The following MYO5B variants were observed in gnomAD, a reference collection of about 807,000 sequenced individuals.
The protein encoded by MYO5B is myosin VB.
MYO5B carries 143 observed loss-of-function variants against 229.3 expected under a neutral mutation model. The observed-to-expected ratio is 0.62, with a 90% CI of 0.54 to 0.72. The LOEUF (loss-of-function observed/expected upper bound fraction) is 0.72, where lower values mean the gene tolerates loss of function less well. Among genes scored for constraint, MYO5B ranks in the 30% least tolerant of loss-of-function variants. The probability of loss-of-function intolerance (pLI) is 0.00; values close to 1 mark genes in which losing one functional copy is unlikely to be tolerated. For synonymous variants in MYO5B, 918 were observed against 885.2 expected, an observed-to-expected ratio of 1.04 and a Z score of -0.66; for missense variants, 2,321 against 2,331.0, an observed-to-expected ratio of 1.00 and a Z score of 0.09.
chr18:50,094,557 G>A (rs1186548075), intron 1 of MYO5B, among the ~76,000 whole-genome samples: 10 of 152,094 alleles, frequency 6.6e-5, no homozygotes, highest in Admixed American at 4.6e-4. Context: ...ATAAGCCATC[G>A]AGGAGAAAAA....
rs2023836665 is a variant in MYO5B at position 49,825,769 on chromosome 18, A to C, written c.*702T>G. On this transcript the variant is annotated 3_prime_UTR_variant, in exon 40 of 40. Coordinates refer to ENST00000285039, the MANE Select transcript of MYO5B (RefSeq NM_001080467.3). Reference sequence around the variant, plus strand: ...TTGGAGTTTGGGATAGCAGCATTTTAATAATCTCTTCCATTAAATCAAGAT... The same window carrying C: ...TTGGAGTTTGGGATAGCAGCATTTTCATAATCTCTTCCATTAAATCAAGAT... The C allele has an allele frequency of 6.5e-6, 1 of 152,916 alleles. No homozygotes were observed. Among genetic ancestry groups the C allele is most frequent in the East Asian group, 1.9e-4 (1 of 5,198 alleles). The allele number at this position is 152,916 out of a possible 1,614,324, so 9.5% of individuals were successfully genotyped here.
intron 14 of MYO5B, among the ~76,000 whole-genome samples, chr18:49,943,148 T>C (rs934831527): frequency 7.3e-6 from 1 of 136,896 alleles, no homozygotes; most frequent in African/African-American, 2.8e-5. Flanking sequence ...TTTTCACTCA[T>C]AGGTGGGAAT....
intron 1 of MYO5B, among the ~76,000 whole-genome samples, chr18:50,193,766 T>G (rs1790437): frequency 1 from 151,985 of 152,376 alleles, 75,800 homozygotes; most frequent in Middle Eastern, 1. Context: ...TTCTTAAAGG[T>G]GCATAGGGCA....
chr18:50,142,792 A>T lies in MYO5B; in HGVS notation c.27+51975T>A, dbSNP rs567566823. Among the ~76,000 whole-genome samples the T allele has an allele frequency of 2.2e-4, 34 of 152,360 alleles. 1 individual carries two copies. The South Asian group carries it at 7.0e-3, about 32-fold the overall frequency. ...AAAGGGTAACCTCAGTCTAACAATGACAACAGCATTCAGGTTTGCCTCGAT... is the reference window on the plus strand; with the variant it reads ...AAAGGGTAACCTCAGTCTAACAATGTCAACAGCATTCAGGTTTGCCTCGAT... On this transcript the variant is annotated intron_variant, in intron 1 of 39. Coordinates refer to ENST00000285039, the MANE Select transcript of MYO5B (RefSeq NM_001080467.3).
At position 49,929,582 on chromosome 18, in the gene MYO5B, C is replaced by T. The variant is rs777222341; in HGVS notation, c.2020G>A (p.Ala674Thr). The T allele has an allele frequency of 3.1e-6, 5 of 1,597,510 alleles. No individual in the cohort carries two copies. In the African/African-American group the frequency reaches 7.0e-5, roughly 22 times the overall value. ...CCGCAGGCTCTGAGTTGCTGCACTG[C>T]TCTCTTTGGGTCAAAGCTGCCAAAG... Reference protein sequence around the residue: ...KLPFHFDPKRAVQQLRACGVL... With the variant: ...KLPFHFDPKRTVQQLRACGVL... Residue 674 changes from alanine to threonine, a missense_variant, in exon 17 of 40, where the codon GCA becomes ACA. By Grantham distance (58) the Ala-to-Thr change is moderately conservative (BLOSUM62 0). Coordinates refer to ENST00000285039, the MANE Select transcript of MYO5B (RefSeq NM_001080467.3).
At position 49,931,631 on chromosome 18, in the gene MYO5B, G is replaced by A. The variant is rs11663056; in HGVS notation, c.2004-2033C>T. Among the ~76,000 whole-genome samples, 26 of 152,148 alleles carry A rather than the reference G, an allele frequency of 1.7e-4. No homozygotes were observed. In the East Asian group the frequency reaches 4.5e-3, roughly 26 times the overall value. On this transcript the variant is annotated intron_variant, in intron 16 of 39. Transcript: ENST00000285039. ...ACTCCAATGCCTCCTGTGGTTGCTC[G>A]GCCACAAGAGGAAGCACAGTTCCAG...
chr18:49,869,666 G>T (rs114608941), intron 27 of MYO5B, among the ~76,000 whole-genome samples: 1 of 152,180 alleles, frequency 6.6e-6, no homozygotes, highest in Admixed American at 6.5e-5. Flanking sequence ...GAGTTTTTGC[G>T]CTGATTTTAA....
At chr18:49,958,646 G>C (rs531724293) in intron 12 of MYO5B, among the ~76,000 whole-genome samples, 1 of 152,136 alleles carries the variant, frequency 6.6e-6, no homozygotes, top group Non-Finnish European at 1.5e-5. Context: ...CTCTCGCACC[G>C]CTTCTTTTTC....
At chr18:50,019,795 A>C (rs1362232722) in intron 4 of MYO5B, among the ~76,000 whole-genome samples, 1 of 152,218 alleles carries the variant, frequency 6.6e-6, no homozygotes, top group Non-Finnish European at 1.5e-5. Context: ...CCTGGTACTC[A>C]AATTTCGTCT....
intron 17 of MYO5B, among the ~76,000 whole-genome samples, chr18:49,914,775 CAAAAA>C (rs5824810): frequency 9.4e-6 from 1 of 106,182 alleles, no homozygotes; most frequent in Admixed American, 9.2e-5. Context: ...GACCTTGTCT[CAAAAA>C]AAAAAAAAAA....
At chr18:50,137,825 G>A (rs2032357715) in intron 1 of MYO5B, among the ~76,000 whole-genome samples, 1 of 150,742 alleles carries the variant, frequency 6.6e-6, no homozygotes. Flanking sequence ...CACGTCTTTT[G>A]CAGGAACATG....
chr18:49,853,604 C>A lies in MYO5B; in HGVS notation c.4066G>T (p.Glu1356Ter). ...QLQAQSLEHEEEVEHLKAQLE... is the reference protein window; with the variant it reads ...QLQAQSLEHE Reference sequence around the variant, plus strand: ...TGAGCCTTGAGATGCTCCACCTCCTCCTCATGCTCCAGGCTCTGGGCCTGC... The same window carrying A: ...TGAGCCTTGAGATGCTCCACCTCCTACTCATGCTCCAGGCTCTGGGCCTGC... Residue 1356 changes from glutamate (E) to a stop codon, truncating the protein, a stop_gained, in exon 31 of 40, where the codon GAG (glutamate) becomes TAG (stop). Coordinates refer to ENST00000285039, the MANE Select transcript of MYO5B (RefSeq NM_001080467.3). LOFTEE classifies it high-confidence loss of function. 1 of 1,614,058 alleles carries A rather than the reference C, an allele frequency of 6.2e-7. No homozygotes were observed. Among genetic ancestry groups the A allele is most frequent in the Non-Finnish European group, 8.5e-7 (1 of 1,180,038 alleles).
At chr18:49,858,548 C>T (rs1345803834) in intron 29 of MYO5B, among the ~76,000 whole-genome samples, 1 of 152,222 alleles carries the variant, frequency 6.6e-6, no homozygotes, top group East Asian at 1.9e-4. Context: ...GCTGCTGGGG[C>T]TCTGTCTCAG....
rs904361168 is a variant in MYO5B, at chr18:49,982,811, G to T, written c.946+1907C>A. Among the ~76,000 whole-genome samples, 3 of 152,268 alleles carry T rather than the reference G, an allele frequency of 2.0e-5. No homozygotes were observed. The East Asian group carries it at 5.8e-4, about 29-fold the overall frequency. ...TGCTAACCCCTGCAATTAAAAAAGG[G>T]ACATGTTTATTAAAGAATAGAGAAG... On this transcript the variant is annotated intron_variant, in intron 8 of 39. Transcript: ENST00000285039.
At chr18:50,034,627 C>T (rs1230837160) in intron 4 of MYO5B, among the ~76,000 whole-genome samples, 1 of 152,068 alleles carries the variant, frequency 6.6e-6, no homozygotes, top group African/African-American at 2.4e-5. Context: ...ACCTATAATC[C>T]CAGTTACTCA....
At chr18:49,903,483 C>T (rs1380204764) in intron 20 of MYO5B, among the ~76,000 whole-genome samples, 1 of 152,158 alleles carries the variant, frequency 6.6e-6, no homozygotes, top group African/African-American at 2.4e-5. Flanking sequence ...CTGAGAAACT[C>T]CCAAACATCA....
At chr18:49,965,454 T>TTCTC (rs555133086) in intron 10 of MYO5B, among the ~76,000 whole-genome samples, 1 of 29,204 alleles carries the variant, frequency 3.4e-5, no homozygotes, top group South Asian at 2.1e-3. Context: ...CACACTTCTT[T>TTCTC]TCACACACAC....
chr18:49,847,566 C>T (rs373234542), intron 32 of MYO5B, among the ~76,000 whole-genome samples: 120 of 152,310 alleles, frequency 7.9e-4, no homozygotes, highest in Middle Eastern at 3.4e-3. Context: ...AGGAAACATC[C>T]GAAAAGACAG....
intron 7 of MYO5B, among the ~76,000 whole-genome samples, chr18:49,987,392 CTTGGCTT>C (rs1467036695): frequency 6.6e-6 from 1 of 152,166 alleles, no homozygotes; most frequent in Non-Finnish European, 1.5e-5. Flanking sequence ...CCCCCACCTG[CTTGGCTT>C]TCCTGGATCG....
Sources: allele counts gnomAD v4.1 joint callset (sites outside exome capture counted in the v4.1 genomes callset), GRCh38; gene constraint gnomAD v4.1.1; transcripts MANE v1.5; gene names NCBI Gene and HGNC (gene_info 2026-07-23, HGNC 2026-07-21).